Variants in PDCL observed in about 807,000 individuals in gnomAD.
The protein encoded by PDCL is phosducin-like protein.
A neutral mutation model predicts 26.7 loss-of-function variants in PDCL; 11 were observed. That is an observed-to-expected ratio of 0.41 (90% CI 0.26 to 0.68). The LOEUF is 0.68. PDCL is among the 30% of genes least tolerant of loss of function. PDCL has a pLI of 0.30. For missense variants in PDCL, 330 were observed against 371.6 expected (o/e 0.89, Z 0.92); for synonymous variants, 118 against 134.9 (o/e 0.87, Z 0.87).
chr9:122,825,444 G>A (rs2131363757), intron 2 of PDCL, among the ~76,000 whole-genome samples: 1 of 152,314 alleles, frequency 6.6e-6, no homozygotes, highest in East Asian at 1.9e-4. Context: ...TTACAGGCGT[G>A]AGCCACTGTG....
At chr9:122,824,390 C>T (rs922856887) in intron 2 of PDCL, among the ~76,000 whole-genome samples, 3 of 152,202 alleles carry the variant, frequency 2.0e-5, no homozygotes, top group African/African-American at 7.2e-5. Context: ...CTCTATGCTT[C>T]GCCATGAAAA....
intron 3 of PDCL, 50 bp downstream of exon 3, chr9:122,822,966 C>G: frequency 6.6e-7 from 1 of 1,523,418 alleles, no homozygotes; most frequent in Non-Finnish European, 9.1e-7. Flanking sequence ...ACTCACCCAG[C>G]TCTAGCAGCC....
intron 3 of PDCL, among the ~76,000 whole-genome samples, chr9:122,822,156 T>C (rs1304441892): frequency 6.6e-6 from 1 of 152,186 alleles, no homozygotes; most frequent in African/African-American, 2.4e-5. Flanking sequence ...TGTGGTATTT[T>C]AGCTTTGGGC....
Position 122,823,192 on chromosome 9 carries a change from T to C in PDCL, c.178A>G (p.Lys60Glu), listed in dbSNP as rs1829575276. The part of the protein sequence containing the change: ...GEGISVNTGP[K>E]GVINDWRRFK... Reference sequence around the variant, plus strand: ...CGGCGCCAGTCATTGATCACACCTTTTGGGCCTGAGTAGGGTGAACACGGA... The same window carrying C: ...CGGCGCCAGTCATTGATCACACCTTCTGGGCCTGAGTAGGGTGAACACGGA... Residue 60 changes from lysine to glutamate, a missense_variant, in exon 3 of 4, where the codon AAA becomes GAA. Lys to Glu is a moderately conservative substitution (Grantham distance 56). Coordinates refer to ENST00000259467, the MANE Select transcript of PDCL (RefSeq NM_005388.5). 6.2e-7 allele frequency: 1 copy of C among 1,613,998 alleles called. No homozygotes were observed. Among genetic ancestry groups the C allele is most frequent in the Non-Finnish European group, 8.5e-7 (1 of 1,180,010 alleles).
intron 2 of PDCL, 40 bp downstream of exon 2, chr9:122,826,576 T>G: frequency 6.4e-7 from 1 of 1,553,318 alleles, no homozygotes; most frequent in Admixed American, 2.0e-5. Context: ...TTAATGTACA[T>G]TTTTTAAGCC....
Position 122,820,563 on chromosome 9 carries a change from T to G in PDCL, c.428A>C (p.Gln143Pro). Residue 143 changes from glutamine (Q) to proline (P), a missense_variant, in exon 4 of 4, where the codon CAG (glutamine) becomes CCG (proline). Physicochemically the swap from Gln to Pro is moderately conservative, Grantham distance 76 (BLOSUM62 -1). Coordinates refer to ENST00000259467, the MANE Select transcript of PDCL (RefSeq NM_005388.5). ...DEEFLQQYRK[Q>P]RMEEMRQQLH... ...CTGCTGCCGCATCTCTTCCATTCGC[T>G]GCTTCCGGTACTGCTGCAGAAACTC... 1 of 1,614,156 alleles carries G rather than the reference T, an allele frequency of 6.2e-7. No homozygotes were observed.
intron 2 of PDCL, among the ~76,000 whole-genome samples, chr9:122,825,058 T>TA (rs1829605231): frequency 6.6e-6 from 1 of 152,104 alleles, no homozygotes; most frequent in Admixed American, 6.5e-5. Flanking sequence ...AAAAAAAAAT[T>TA]AAACTGGAGC....
chr9:122,823,402 A>G (rs1405723136), intron 2 of PDCL, among the ~76,000 whole-genome samples: 1 of 152,190 alleles, frequency 6.6e-6, no homozygotes, highest in East Asian at 1.9e-4. Context: ...CTAATGCCCA[A>G]CATTAGGAGA....
At position 122,826,657 on chromosome 9, in the gene PDCL, G is replaced by T; in HGVS notation, c.131C>A (p.Ala44Glu). 6.2e-7 allele frequency: 1 copy of T among 1,614,160 alleles called. No individual in the cohort carries two copies. Among genetic ancestry groups the T allele is most frequent in the African/African-American group, 1.3e-5 (1 of 75,034 alleles). The change falls in exon 2 of 4, where the codon GCA (alanine) becomes GAA (glutamate). Residue 44 changes from alanine to glutamate, a missense_variant. By Grantham distance (107) the Ala-to-Glu change is moderately radical. Coordinates refer to ENST00000259467, the MANE Select transcript of PDCL (RefSeq NM_005388.5). ...RCAPASSSVPAEAELAGEGIS... is the reference protein window; with the variant it reads ...RCAPASSSVPEEAELAGEGIS... ...GCCTTCGCCTGCCAGCTCAGCCTCT[G>T]CAGGCACAGAACTGCTGGCTGGGGC...
chr9:122,826,647 C>T lies in PDCL; in HGVS notation c.141G>A (p.Glu47=). 6.2e-7 allele frequency: 1 copy of T among 1,614,186 alleles called. No individual in the cohort carries two copies. Residue 47 remains glutamate, a synonymous_variant, in exon 2 of 4, where the codon GAG becomes GAA. Coordinates refer to ENST00000259467, the MANE Select transcript of PDCL (RefSeq NM_005388.5). ...PASSSVPAEA[E]LAGEGISVNT... ...TAACTGAGATGCCTTCGCCTGCCAGCTCAGCCTCTGCAGGCACAGAACTGC... is the reference window on the plus strand; with the variant it reads ...TAACTGAGATGCCTTCGCCTGCCAGTTCAGCCTCTGCAGGCACAGAACTGC...
At position 122,819,243 on chromosome 9, in the gene PDCL, T is replaced by G; in HGVS notation, c.*842A>C. ...TTATTTTTGCTTCTGTTTTGGTCAG[T>G]TTTCCTCTACTGAATATGAATTACT... On this transcript the variant is annotated 3_prime_UTR_variant, in exon 4 of 4. Coordinates refer to ENST00000259467, the MANE Select transcript of PDCL (RefSeq NM_005388.5). 6.6e-6 allele frequency: 1 copy of G among 151,898 alleles called. No individual in the cohort carries two copies. The highest frequency in any genetic ancestry group is 1.5e-5 in the Non-Finnish European group (1 of 68,000). The allele number at this position is 151,898 out of a possible 1,614,324, so 9.4% of individuals were successfully genotyped here.
chr9:122,825,714 T>A (rs1259009310), intron 2 of PDCL, among the ~76,000 whole-genome samples: 1 of 152,152 alleles, frequency 6.6e-6, no homozygotes, highest in Non-Finnish European at 1.5e-5. Flanking sequence ...CCTAATTTTT[T>A]AAATGAGCAA....
At position 122,826,809 on chromosome 9, in the gene PDCL, T is replaced by C. The variant is rs763811527; in HGVS notation, c.-5-17A>G. ...TCATGGTGTCTGGAAAAAGAAAGCA[T>C]ATCAGGTTCTTTGCTGATTTGAGCC... On this transcript the variant is annotated splice_polypyrimidine_tract_variant and intron_variant, in intron 1 of 3. Coordinates refer to ENST00000259467, the MANE Select transcript of PDCL (RefSeq NM_005388.5). 8 of 1,612,898 alleles carry C rather than the reference T, an allele frequency of 5.0e-6. No homozygotes were observed. The highest frequency in any genetic ancestry group is 6.8e-6 in the Non-Finnish European group (8 of 1,179,048).
intron 2 of PDCL, among the ~76,000 whole-genome samples, 191 bp from the exon 3 acceptor site, chr9:122,823,388 C>T (rs1829579757): frequency 6.6e-6 from 1 of 152,092 alleles, no homozygotes; most frequent in South Asian, 2.1e-4. Flanking sequence ...CAACAAGGGC[C>T]AAGCTAATGC....
chr9:122,827,938 G>C (rs1011422524), intron 1 of PDCL, among the ~76,000 whole-genome samples: 5 of 152,050 alleles, frequency 3.3e-5, no homozygotes, highest in African/African-American at 9.7e-5. Flanking sequence ...GTTCTTGAAC[G>C]TAGGGACCTC....
At chr9:122,827,440 G>A (rs1402678249) in intron 1 of PDCL, among the ~76,000 whole-genome samples, 2 of 152,162 alleles carry the variant, frequency 1.3e-5, no homozygotes, top group Non-Finnish European at 2.9e-5. Flanking sequence ...GGACTATGAT[G>A]GCCGGGCTCG....
rs529236531 is a variant in PDCL at position 122,823,075 on chromosome 9, G to A, written c.295C>T (p.Leu99=). 1 of 1,614,126 alleles carries A rather than the reference G, an allele frequency of 6.2e-7. No homozygotes were observed. The highest frequency in any genetic ancestry group is 8.5e-7 in the Non-Finnish European group (1 of 1,180,022). The part of the protein sequence containing the change: ...KKLSMTCRSH[L]DEEEEQQKQK... ...TTCTGTTGCTCCTCCTCTTCATCCA[G>A]ATGGGACCTGCAAGTCATTGACAGC... Residue 99 remains leucine (L), a synonymous_variant, in exon 3 of 4, where the codon CTG becomes TTG. Transcript: ENST00000259467.
chr9:122,825,382 G>A (rs1238546118), intron 2 of PDCL, among the ~76,000 whole-genome samples: 7 of 151,968 alleles, frequency 4.6e-5, no homozygotes, highest in Non-Finnish European at 1.0e-4. Context: ...GGCTGGTCTC[G>A]AACTCCTGAG....
chr9:122,825,194 C>T (rs544494382), intron 2 of PDCL, among the ~76,000 whole-genome samples: 1 of 151,576 alleles, frequency 6.6e-6, no homozygotes, highest in East Asian at 1.9e-4. Flanking sequence ...CAGAGTCTCA[C>T]TCTGTTGCCC....
Sources: allele counts gnomAD v4.1 joint callset (sites outside exome capture counted in the v4.1 genomes callset), GRCh38; gene constraint gnomAD v4.1.1; transcripts MANE v1.5; gene names NCBI Gene and HGNC (gene_info 2026-07-23, HGNC 2026-07-21).